The following CALN1 variants were observed in gnomAD, a reference collection of about 807,000 sequenced individuals.
CALN1 encodes the protein calcium-binding protein 8.
A neutral mutation model predicts 30.6 loss-of-function variants in CALN1; 17 were observed. The observed-to-expected ratio is 0.56, with a 90% CI of 0.38 to 0.83. The LOEUF (loss-of-function observed/expected upper bound fraction) is 0.83. Ranked by LOEUF, CALN1 falls within the 40% of genes least tolerant of loss-of-function variation. CALN1 has a pLI of 0.00. For synonymous variants in CALN1, 156 were observed against 131.4 expected, an observed-to-expected ratio of 1.19 and a Z score of -1.28; for missense variants, 291 against 354.9, an observed-to-expected ratio of 0.82 and a Z score of 1.45.
rs575196925 is a variant in CALN1 at position 72,369,308 on chromosome 7, TATAA to T, written c.119+33939_119+33942del. Among the ~76,000 whole-genome samples the T allele has an allele frequency of 8.0e-3, 1,182 of 147,122 alleles. 20 individuals carry two copies. Among genetic ancestry groups the T allele is most frequent in the African/African-American group, 0.027 (1,119 of 40,742 alleles). On this transcript the variant is annotated intron_variant, in intron 2 of 6. Transcript: ENST00000395275. ...TATAAAATATATATATTTATATATTTATAAATATTTATAATATATATAATTTATA... is the reference window on the plus strand; with the variant it reads ...TATAAAATATATATATTTATATATTTATATTTATAATATATATAATTTATA...
intron 3 of CALN1, among the ~76,000 whole-genome samples, chr7:72,251,187 T>A (rs1266212451): frequency 6.6e-6 from 1 of 152,186 alleles, no homozygotes; most frequent in Non-Finnish European, 1.5e-5. Flanking sequence ...CTGCTTCTGA[T>A]GTGCCCACCT....
At chr7:72,273,925 A>G (rs1365226313) in intron 3 of CALN1, among the ~76,000 whole-genome samples, 1 of 152,188 alleles carries the variant, frequency 6.6e-6, no homozygotes, top group Non-Finnish European at 1.5e-5. Flanking sequence ...ATTATACAAA[A>G]AAAAAGTTTC....
rs750715313 is a variant in CALN1, at chr7:72,037,515, TAA to T, written c.389-13748_389-13747del. ...ACCTGTTTAAAAAATAAATAAAATGTAAAGACTAAACAATGAATTCAGTTGTT... is the reference window on the plus strand; with the variant it reads ...ACCTGTTTAAAAAATAAATAAAATGTAGACTAAACAATGAATTCAGTTGTT... On this transcript the variant is annotated intron_variant, in intron 4 of 6. Transcript: ENST00000395275. Among the ~76,000 whole-genome samples the T allele has an allele frequency of 7.2e-5, 11 of 152,338 alleles. No homozygotes were observed. In the East Asian group the frequency reaches 2.1e-3, roughly 29 times the overall value.
chr7:72,381,776 G>A (rs1277479494), intron 2 of CALN1, among the ~76,000 whole-genome samples: 1 of 152,184 alleles, frequency 6.6e-6, no homozygotes, highest in Non-Finnish European at 1.5e-5. Context: ...TAGATGACGG[G>A]TTGATAGGTG....
chr7:72,028,714 A>AG (rs1801250133), intron 4 of CALN1, among the ~76,000 whole-genome samples: 1 of 152,222 alleles, frequency 6.6e-6, no homozygotes, highest in Non-Finnish European at 1.5e-5. Flanking sequence ...CATATTGGCC[A>AG]GGCGCAGTGG....
At chr7:71,976,415 A>G (rs1374049312) in intron 5 of CALN1, among the ~76,000 whole-genome samples, 1 of 152,152 alleles carries the variant, frequency 6.6e-6, no homozygotes, top group Non-Finnish European at 1.5e-5. Flanking sequence ...TCCTTCTCCC[A>G]GAGATTCTCC....
intron 1 of CALN1, among the ~76,000 whole-genome samples, chr7:72,404,167 T>G (rs538881233): frequency 1.3e-5 from 2 of 152,280 alleles, no homozygotes; most frequent in South Asian, 2.1e-4. Flanking sequence ...GACCTGGCCC[T>G]CTCCCTTGGT....
chr7:71,920,996 A>G (rs1382354538), intron 5 of CALN1, among the ~76,000 whole-genome samples: 1 of 152,220 alleles, frequency 6.6e-6, no homozygotes, highest in Non-Finnish European at 1.5e-5. Context: ...AAAATGTGGC[A>G]CATATACACC....
chr7:72,327,091 T>G (rs1337533614), intron 2 of CALN1, among the ~76,000 whole-genome samples: 2 of 152,208 alleles, frequency 1.3e-5, no homozygotes, highest in Non-Finnish European at 2.9e-5. Context: ...TGGCAGTTAA[T>G]TCCTGACAAT....
At chr7:72,455,558 T>C in the CALN1 span, among the ~76,000 whole-genome samples, 2 of 151,678 alleles carry the variant, frequency 1.3e-5, no homozygotes, top group Non-Finnish European at 2.9e-5. Context: ...TTTCAAACAA[T>C]TGCAAAGGAG....
the CALN1 span, among the ~76,000 whole-genome samples, chr7:72,495,438 C>T: frequency 6.6e-6 from 1 of 152,212 alleles, no homozygotes; most frequent in African/African-American, 2.4e-5. Flanking sequence ...TTGAGACCTA[C>T]TCTGCACCCA....
chr7:71,924,968 C>T (rs2129519028), intron 5 of CALN1, among the ~76,000 whole-genome samples: 1 of 152,272 alleles, frequency 6.6e-6, no homozygotes, highest in African/African-American at 2.4e-5. Context: ...TGGCCGGGTG[C>T]AGTGGCTCAC....
At chr7:72,435,251 A>G (rs995405629) in intron 1 of CALN1, among the ~76,000 whole-genome samples, 3 of 151,018 alleles carry the variant, frequency 2.0e-5, no homozygotes, top group African/African-American at 7.3e-5. Flanking sequence ...AAAAAAAAAA[A>G]GGAAAAAGAA....
chr7:72,078,306 G>A (rs1371785930), intron 4 of CALN1, among the ~76,000 whole-genome samples: 2 of 151,848 alleles, frequency 1.3e-5, no homozygotes, highest in African/African-American at 2.4e-5. Flanking sequence ...CACATACGAC[G>A]ATCCCACCTG....
At chr7:72,108,979 T>C (rs1368322364) in intron 3 of CALN1, among the ~76,000 whole-genome samples, 2 of 152,144 alleles carry the variant, frequency 1.3e-5, no homozygotes, top group African/African-American at 4.8e-5. Context: ...AGGTCATTCA[T>C]TCCTTTCTTG....
intron 5 of CALN1, among the ~76,000 whole-genome samples, chr7:71,957,519 A>G (rs1344154667): frequency 6.6e-6 from 1 of 152,190 alleles, no homozygotes; most frequent in Non-Finnish European, 1.5e-5. Flanking sequence ...CTACCCCATT[A>G]CGATCTGTCG....
rs563493860 is a variant in CALN1 at position 72,067,740 on chromosome 7, G to T, written c.388+38411C>A. Among the ~76,000 whole-genome samples the T allele has an allele frequency of 2.4e-4, 37 of 152,322 alleles. No homozygotes were observed. In the South Asian group the frequency reaches 7.5e-3, roughly 31 times the overall value. ...TGACTGCTGATCCACCGAATGGCAT[G>T]CCTCTCTCATGTACCTGGGCAGCGG... On this transcript the variant is annotated intron_variant, in intron 4 of 6. Transcript: ENST00000395275.
chr7:72,413,767 AAC>A (rs929476062), upstream of CALN1, among the ~76,000 whole-genome samples: 4 of 145,238 alleles, frequency 2.8e-5, no homozygotes, highest in African/African-American at 5.5e-5. Context: ...ACACATAACA[AAC>A]ACACTACACA....
chr7:71,994,219 T>C (rs914424868), intron 5 of CALN1, among the ~76,000 whole-genome samples: 2 of 152,144 alleles, frequency 1.3e-5, no homozygotes, highest in African/African-American at 4.8e-5. Flanking sequence ...TGTTTACAGA[T>C]AGTAAAATTG....
Sources: allele counts gnomAD v4.1 joint callset (sites outside exome capture counted in the v4.1 genomes callset), GRCh38; gene constraint gnomAD v4.1.1; transcripts MANE v1.5; gene names NCBI Gene and HGNC (gene_info 2026-07-23, HGNC 2026-07-21).